SEC61A2: variants seen among roughly 807,000 people sequenced by gnomAD.
SEC61A2 encodes the protein protein transport protein Sec61 subunit alpha isoform 2.
In SEC61A2, 28 loss-of-function variants were observed where a neutral mutation model predicts 59.9. The observed-to-expected ratio is 0.47, with a 90% CI of 0.35 to 0.64. The LOEUF is 0.64. SEC61A2 is among the 30% of genes least tolerant of loss of function. The pLI, the probability that SEC61A2 is intolerant of heterozygous loss-of-function variation, is 0.01. For missense variants in SEC61A2, 340 were observed against 585.9 expected (o/e 0.58, Z 4.33); for synonymous variants, 202 against 214.4 (o/e 0.94, Z 0.50).
chr10:12,136,550 G>A (rs1221177538), intron 3 of SEC61A2, among the ~76,000 whole-genome samples: 2 of 152,242 alleles, frequency 1.3e-5, no homozygotes, highest in African/African-American at 2.4e-5. Context: ...CTGGGTTCAA[G>A]TGACTCTTCT....
chr10:12,145,321 A>G lies in SEC61A2; in HGVS notation c.220+2126A>G, dbSNP rs1834114123. Among the ~76,000 whole-genome samples the G allele has an allele frequency of 6.6e-6, 1 of 152,226 alleles. No homozygotes were observed. Among genetic ancestry groups the G allele is most frequent in the Non-Finnish European group, 1.5e-5 (1 of 68,034 alleles). ...TCACACCGTTCTGTAACTTTTTGAT[A>G]GAATGAATTTCTAGAAGTTCAACTG... On this transcript the variant is annotated intron_variant, in intron 4 of 11. Coordinates refer to ENST00000298428, the MANE Select transcript of SEC61A2 (RefSeq NM_018144.4). This position sits in a 1 kb window ranked among gnomAD's most constrained non-coding sequence, Gnocchi z 4.4.
Position 12,129,839 on chromosome 10 carries a change from GC to G in SEC61A2, c.7+49del, listed in dbSNP as rs1344430712. ...GCGGGGACTCTGGCTGGGAACGCAG[GC>G]CCCGCCTGGGCTGCGGGCGGTGGGG... On this transcript the variant is annotated intron_variant, in intron 1 of 11. Coordinates refer to ENST00000298428, the MANE Select transcript of SEC61A2 (RefSeq NM_018144.4). This position sits in a 1 kb window ranked among gnomAD's most constrained non-coding sequence, Gnocchi z 5.6. The G allele has an allele frequency of 1.4e-5, 19 of 1,353,066 alleles. No homozygotes were observed. In the African/African-American group the frequency reaches 2.6e-4, roughly 18 times the overall value. The allele number at this position is 1,353,066 out of a possible 1,614,324, so 83.8% of individuals were successfully genotyped here.
At chr10:12,169,411 T>G (rs989906230), downstream of SEC61A2, 10 of 933,166 alleles carry the variant, frequency 1.1e-5, no homozygotes, top group African/African-American at 3.4e-5. This position sits in a 1 kb window ranked among gnomAD's most constrained non-coding sequence, Gnocchi z 4.8. Context: ...CTGTTATTGT[T>G]CCTGTTTTAT....
In SEC61A2 at chr10:12,164,879, A is replaced by C; in HGVS notation, c.*425A>C. On this transcript the variant is annotated 3_prime_UTR_variant, in exon 12 of 12. Transcript: ENST00000298428. This position sits in a 1 kb window ranked among gnomAD's most constrained non-coding sequence, Gnocchi z 7.3. ...AATGAGTTCTGGAACATTTATATCT[A>C]ATCTATATTTTAGATAATTACTTTT... The C allele has an allele frequency of 4.1e-6, 4 of 977,820 alleles. No individual in the cohort carries two copies. The highest frequency in any genetic ancestry group is 9.4e-5 in the South Asian group (2 of 21,272). The allele number at this position is 977,820 out of a possible 1,614,324, so 60.6% of individuals were successfully genotyped here.
chr10:12,137,103 T>G (rs1386365146), intron 3 of SEC61A2, among the ~76,000 whole-genome samples: 1 of 150,882 alleles, frequency 6.6e-6, no homozygotes, highest in African/African-American at 2.4e-5. Flanking sequence ...AGAGACGGGG[T>G]CTATGTTGCC....
At chr10:12,139,287 A>AC (rs1324947792) in intron 3 of SEC61A2, among the ~76,000 whole-genome samples, 1 of 150,628 alleles carries the variant, frequency 6.6e-6, no homozygotes, top group Non-Finnish European at 1.5e-5. Context: ...TTGTATTTCC[A>AC]CCAGCCGTGT....
chr10:12,147,939 CTTT>C (rs775693567), intron 4 of SEC61A2, among the ~76,000 whole-genome samples: 3 of 142,322 alleles, frequency 2.1e-5, no homozygotes, highest in Admixed American at 7.1e-5. Context: ...TATCTAATAT[CTTT>C]TTTTTTTTTT....
In SEC61A2 at chr10:12,155,816, G is replaced by A. The variant is rs919781026; in HGVS notation, c.501G>A (p.Glu167=). ...GTTTGATTGTGCTGCTGTTAGATGA[G>A]CTGCTACAGAAGGGTTACGGCTTGG... ...VAGLIVLLLD[E]LLQKGYGLGS... The change falls in exon 7 of 12, where the codon GAG becomes GAA. Residue 167 remains glutamate, a synonymous_variant. Coordinates refer to ENST00000298428, the MANE Select transcript of SEC61A2 (RefSeq NM_018144.4). The surrounding 1 kb of genome is among the most constrained non-coding windows in gnomAD (Gnocchi z 4.3). 3.7e-6 allele frequency: 6 copies of A among 1,614,232 alleles called. No individual in the cohort carries two copies. Among genetic ancestry groups the A allele is most frequent in the Non-Finnish European group, 5.1e-6 (6 of 1,180,050 alleles).
At position 12,155,449 on chromosome 10, in the gene SEC61A2, A is replaced by G. The variant is rs1834374807; in HGVS notation, c.463-329A>G. On this transcript the variant is annotated intron_variant, in intron 6 of 11. Transcript: ENST00000298428. The surrounding 1 kb of genome is among the most constrained non-coding windows in gnomAD (Gnocchi z 4.3). ...GTTTCTTGCTGTCATAAATTCTAGA[A>G]TACTGTGATCATTTTTTGTTTCAGT... 9.1e-7 allele frequency: 1 copy of G among 1,104,932 alleles called. No individual in the cohort carries two copies. Among genetic ancestry groups the G allele is most frequent in the East Asian group, 2.6e-5 (1 of 38,302 alleles). 68.4% of individuals were successfully genotyped at this position (1,104,932 alleles called of 1,614,324 possible).
intron 1 of SEC61A2, chr10:12,130,835 G>A (rs1833716998): frequency 6.5e-6 from 1 of 152,740 alleles, no homozygotes. Context: ...TAGTACTTGG[G>A]TAACAAACAT....
intron 1 of SEC61A2, among the ~76,000 whole-genome samples, chr10:12,131,658 T>C (rs1833739630): frequency 7.1e-6 from 1 of 140,610 alleles, no homozygotes; most frequent in African/African-American, 2.6e-5. Context: ...TGTGGTCTGA[T>C]GAAATCAAAC....
intron 3 of SEC61A2, among the ~76,000 whole-genome samples, chr10:12,140,176 G>A (rs1244899857): frequency 6.6e-6 from 1 of 152,144 alleles, no homozygotes; most frequent in African/African-American, 2.4e-5. Context: ...CCAATAGGCT[G>A]GTTGACTGTC....
intron 8 of SEC61A2, 74 bp from the exon 9 acceptor site, chr10:12,157,834 G>A: frequency 2.1e-6 from 3 of 1,417,864 alleles, no homozygotes; most frequent in Middle Eastern, 3.5e-4. Context: ...ACTGTTCTTT[G>A]TTTTCCCTCT....
At chr10:12,132,108 C>G (rs528572932) in intron 1 of SEC61A2, among the ~76,000 whole-genome samples, 20 of 148,650 alleles carry the variant, frequency 1.3e-4, no homozygotes, top group African/African-American at 4.5e-4. Flanking sequence ...CGAGACTAGC[C>G]TGACCAACAT....
In SEC61A2 at chr10:12,152,001, T is replaced by C. The variant is rs1284690415; in HGVS notation, c.462+2040T>C. Among the ~76,000 whole-genome samples, 2 of 152,228 alleles carry C rather than the reference T, an allele frequency of 1.3e-5. No individual in the cohort carries two copies. Among genetic ancestry groups the C allele is most frequent in the African/African-American group, 4.8e-5 (2 of 41,466 alleles). On this transcript the variant is annotated intron_variant, in intron 6 of 11. Transcript: ENST00000298428. The surrounding 1 kb of genome is among the most constrained non-coding windows in gnomAD (Gnocchi z 5.5). Reference sequence around the variant, plus strand: ...GTGTGACTTATATCCAGGAAAGTTATGCTGTTCAAGTATTTATTTAGCATT... The same window carrying C: ...GTGTGACTTATATCCAGGAAAGTTACGCTGTTCAAGTATTTATTTAGCATT...
intron 11 of SEC61A2, among the ~76,000 whole-genome samples, chr10:12,163,768 C>T (rs1300060644): frequency 6.6e-6 from 1 of 152,142 alleles, no homozygotes; most frequent in Non-Finnish European, 1.5e-5. Context: ...CCAGTTGTCA[C>T]CATCTTGCTG....
downstream of SEC61A2, chr10:12,167,258 T>C (rs1315370810): frequency 6.3e-6 from 1 of 159,342 alleles, no homozygotes; most frequent in Admixed American, 6.0e-5. Flanking sequence ...AAAAAGCCTT[T>C]TTTTTCTTTT....
chr10:12,139,948 G>A (rs1302036174), intron 3 of SEC61A2, among the ~76,000 whole-genome samples: 27 of 142,706 alleles, frequency 1.9e-4, no homozygotes, highest in African/African-American at 6.0e-4. Flanking sequence ...CAGCCTGGGC[G>A]ACAGAGCGAG....
chr10:12,139,299 C>G (rs1259411643), intron 3 of SEC61A2, among the ~76,000 whole-genome samples: 1 of 151,622 alleles, frequency 6.6e-6, no homozygotes, highest in Non-Finnish European at 1.5e-5. Flanking sequence ...CAGCCGTGTT[C>G]TGGAGTTCCA....
Sources: allele counts gnomAD v4.1 joint callset (sites outside exome capture counted in the v4.1 genomes callset), GRCh38; gene constraint gnomAD v4.1.1; non-coding constraint Gnocchi (gnomAD v3.1); transcripts MANE v1.5; gene names NCBI Gene and HGNC (gene_info 2026-07-23, HGNC 2026-07-21).